KDR: variants seen among roughly 807,000 people sequenced by gnomAD.
The protein encoded by KDR is vascular endothelial growth factor receptor 2.
A neutral mutation model predicts 160.9 loss-of-function variants in KDR; 43 were observed. The ratio of observed to expected loss-of-function variants is 0.27; its 90% confidence interval spans 0.21 to 0.34. The LOEUF (loss-of-function observed/expected upper bound fraction) is 0.34, where lower values mean the gene tolerates loss of function less well. KDR is among the 10% of genes least tolerant of loss of function. The pLI, the probability that KDR is intolerant of heterozygous loss-of-function variation, is 1.00. For synonymous variants in KDR, 617 were observed against 600.1 expected, an observed-to-expected ratio of 1.03 and a Z score of -0.41; for missense variants, 1,469 against 1,666.4, an observed-to-expected ratio of 0.88 and a Z score of 2.06.
At chr4:55,087,088 T>A (rs1301143556) in intron 27 of KDR, among the ~76,000 whole-genome samples, 15 of 152,192 alleles carry the variant, frequency 9.9e-5, no homozygotes. Flanking sequence ...CATCCCATTA[T>A]GCAAATAAAA....
intron 22 of KDR, among the ~76,000 whole-genome samples, chr4:55,090,566 C>T (rs576677956): frequency 1.3e-5 from 2 of 152,258 alleles, no homozygotes; most frequent in African/African-American, 4.8e-5. Flanking sequence ...TAAACAATTC[C>T]CAATGTGGCT....
At chr4:55,102,619 A>G (rs1307660897) in intron 13 of KDR, 111 bp from the exon 14 acceptor site, 5 of 1,163,184 alleles carry the variant, frequency 4.3e-6, no homozygotes, top group African/African-American at 1.5e-5. Flanking sequence ...ACTTGTTGAT[A>G]TATTAACTTC....
chr4:55,110,305 G>A lies in KDR; in HGVS notation c.1255+98C>T, dbSNP rs994784410. 10 of 1,271,964 alleles carry A rather than the reference G, an allele frequency of 7.9e-6. No individual in the cohort carries two copies. In the African/African-American group the frequency reaches 1.2e-4, roughly 15 times the overall value. The allele number at this position is 1,271,964 out of a possible 1,614,324, so 78.8% of individuals were successfully genotyped here. Reference sequence around the variant, plus strand: ...GTACGCAGGCCCAGCCATGATATGAGTGAAGCAGCAGGAGGCAGAGGAACG... The same window carrying A: ...GTACGCAGGCCCAGCCATGATATGAATGAAGCAGCAGGAGGCAGAGGAACG... On this transcript the variant is annotated intron_variant, in intron 9 of 29. Transcript: ENST00000263923.
In KDR at chr4:55,113,444, G is replaced by C. The variant is rs532356730; in HGVS notation, c.836C>G (p.Thr279Ser). 6.2e-7 allele frequency: 1 copy of C among 1,613,932 alleles called. No individual in the cohort carries two copies. The highest frequency in any genetic ancestry group is 1.1e-5 in the South Asian group (1 of 91,070). Reference protein sequence around the residue: ...HKKLVNRDLKTQSGSEMKKFL... With the variant: ...HKKLVNRDLKSQSGSEMKKFL... Reference sequence around the variant, plus strand: ...TTTCTTCATCTCACTCCCAGACTGGGTTTTTAGGTCTCGGTTTACAAGTTT... The same window carrying C: ...TTTCTTCATCTCACTCCCAGACTGGCTTTTTAGGTCTCGGTTTACAAGTTT... Residue 279 changes from threonine to serine, a missense_variant, in exon 7 of 30, where the codon ACC (threonine) becomes AGC (serine). Physicochemically the swap from Thr to Ser is moderately conservative, Grantham distance 58. Transcript: ENST00000263923.
At chr4:55,082,932 G>T (rs916353242) in intron 27 of KDR, among the ~76,000 whole-genome samples, 3 of 152,188 alleles carry the variant, frequency 2.0e-5, no homozygotes, top group Non-Finnish European at 2.9e-5. Context: ...GTGATCAACT[G>T]CCTTCTACTT....
chr4:55,084,997 T>C (rs891657028), intron 27 of KDR, among the ~76,000 whole-genome samples: 1 of 152,170 alleles, frequency 6.6e-6, no homozygotes, highest in African/African-American at 2.4e-5. Context: ...ACAAGGGCCA[T>C]TTAATCATCC....
At chr4:55,103,858 C>A (rs1211704429) in intron 13 of KDR, among the ~76,000 whole-genome samples, 1 of 152,004 alleles carries the variant, frequency 6.6e-6, no homozygotes, top group Non-Finnish European at 1.5e-5. Flanking sequence ...AGAAGTGGCA[C>A]AAAGAGACGC....
chr4:55,110,487 T>C lies in KDR; in HGVS notation c.1171A>G (p.Arg391Gly), dbSNP rs1170475733. 1 of 1,613,996 alleles carries C rather than the reference T, an allele frequency of 6.2e-7. No individual in the cohort carries two copies. Among genetic ancestry groups the C allele is most frequent in the Admixed American group, 1.7e-5 (1 of 59,994 alleles). The part of the protein sequence containing the change: ...HVLTIMEVSE[R>G]DTGNYTVILT... ...ATGACAGTGTAATTTCCTGTGTCTC[T>C]TTCACTCACTTCCATAATCGTCAGT... Residue 391 changes from arginine (R) to glycine (G), a missense_variant, in exon 9 of 30, where the codon AGA (arginine) becomes GGA (glycine). Transcript: ENST00000263923.
chr4:55,106,362 T>C (rs1262681570), intron 11 of KDR, among the ~76,000 whole-genome samples: 1 of 152,166 alleles, frequency 6.6e-6, no homozygotes, highest in African/African-American at 2.4e-5. Flanking sequence ...ACACATTATA[T>C]AAAAAGGGCT....
chr4:55,092,560 C>A (rs1720045530), intron 22 of KDR, 57 bp downstream of exon 22: 2 of 1,267,104 alleles, frequency 1.6e-6, no homozygotes, highest in South Asian at 2.4e-5. Context: ...CACTGGACAT[C>A]TTATTTCCAA....
At chr4:55,097,875 A>G (rs535785080) in intron 17 of KDR, 109 bp from the exon 18 acceptor site, 195 of 864,216 alleles carry the variant, frequency 2.3e-4, no homozygotes, top group Non-Finnish European at 2.5e-4. Context: ...CCAATTTAAC[A>G]TGGATAGTCC....
chr4:55,096,594 A>G, intron 18 of KDR: 1 of 526,164 alleles, frequency 1.9e-6, no homozygotes, highest in South Asian at 2.2e-5. Flanking sequence ...CCTTTTGCAA[A>G]GCGGAGAATA....
intron 3 of KDR, 93 bp downstream of exon 3, chr4:55,118,511 C>A (rs1326553577): frequency 1.0e-6 from 1 of 973,120 alleles, no homozygotes; most frequent in Middle Eastern, 2.7e-4. Context: ...GCCTTTAGAG[C>A]AAGCCCTTTG....
intron 25 of KDR, 48 bp from the exon 26 acceptor site, chr4:55,089,021 A>G (rs1248806710): frequency 1.5e-6 from 2 of 1,346,418 alleles, no homozygotes; most frequent in Admixed American, 3.5e-5. Flanking sequence ...TTCTTCCTGA[A>G]TGCTGAAAAT....
chr4:55,114,781 T>G (rs1395747329), intron 5 of KDR, 93 bp downstream of exon 5: 3 of 1,178,644 alleles, frequency 2.5e-6, no homozygotes, highest in Non-Finnish European at 3.8e-6. Context: ...GTTCCTATAC[T>G]TTTCAATATC....
At chr4:55,121,218 A>G in intron 1 of KDR, 28 bp from the exon 2 acceptor site, 1 of 1,542,006 alleles carries the variant, frequency 6.5e-7, no homozygotes, top group Non-Finnish European at 9.0e-7. Context: ...AAATGAATGT[A>G]GTTGCCACTG....
chr4:55,110,716 C>T lies in KDR; in HGVS notation c.1029G>A (p.Thr343=), dbSNP rs201075093. ...CAGGGATTCTGACACGCTCCCCCAC[C>T]GTGGCTTCCACCAGAGATTCCATGC... ...GSGMESLVEA[T]VGERVRIPAK... The change falls in exon 8 of 30, where the codon ACG becomes ACA. Residue 343 remains threonine, a synonymous_variant. Transcript: ENST00000263923. The T allele has an allele frequency of 1.1e-4, 181 of 1,613,540 alleles. 1 individual carries two copies. In the East Asian group the frequency reaches 2.7e-3, roughly 24 times the overall value.
chr4:55,118,485 T>C, intron 3 of KDR, 119 bp downstream of exon 3: 1 of 780,392 alleles, frequency 1.3e-6, no homozygotes, highest in East Asian at 2.6e-5. Flanking sequence ...ATTGTGTGTA[T>C]TCCTCTTGGC....
intron 12 of KDR, among the ~76,000 whole-genome samples, chr4:55,105,246 T>C (rs528017375): frequency 1.4e-4 from 21 of 152,340 alleles, no homozygotes; most frequent in Non-Finnish European, 2.2e-4. Context: ...ATGTTTAATA[T>C]ATTAAAAATC....
Sources: gnomAD v4.1 joint callset for allele counts (sites outside exome capture counted in the v4.1 genomes callset) on GRCh38, gnomAD v4.1.1 for gene constraint, MANE v1.5 for transcripts, NCBI Gene and HGNC (gene_info 2026-07-23, HGNC 2026-07-21) for gene names.